Variants in CEP128 observed in about 807,000 individuals in gnomAD.
CEP128 encodes the protein centrosomal protein 128.
CEP128 carries 132 observed loss-of-function variants against 156.7 expected under a neutral mutation model. The observed-to-expected ratio is 0.84, with a 90% confidence interval of 0.73 to 0.97. The LOEUF (loss-of-function observed/expected upper bound fraction) is 0.97. Among genes scored for constraint, CEP128 ranks in the 50% least tolerant of loss-of-function variants. The pLI, the probability that CEP128 is intolerant of heterozygous loss-of-function variation, is 0.00. For synonymous variants in CEP128, 469 were observed against 448.9 expected, an observed-to-expected ratio of 1.04 and a Z score of -0.57; for missense variants, 1,252 against 1,281.9, an observed-to-expected ratio of 0.98 and a Z score of 0.36.
At chr14:80,558,865 G>A (rs1890551533) in intron 21 of CEP128, among the ~76,000 whole-genome samples, 1 of 152,158 alleles carries the variant, frequency 6.6e-6, no homozygotes, top group Non-Finnish European at 1.5e-5. Context: ...TGTGACACTG[G>A]TGAAAATAAT....
intron 23 of CEP128, among the ~76,000 whole-genome samples, chr14:80,510,862 A>C (rs1888213811): frequency 6.6e-6 from 1 of 151,912 alleles, no homozygotes; most frequent in South Asian, 2.1e-4. Flanking sequence ...TATCAATTGA[A>C]ATGATCATAT....
chr14:80,539,272 A>G (rs1240077346), intron 21 of CEP128, among the ~76,000 whole-genome samples: 1 of 152,142 alleles, frequency 6.6e-6, no homozygotes, highest in Non-Finnish European at 1.5e-5. Flanking sequence ...TCTATTTTAG[A>G]CACAGGGGTC....
intron 19 of CEP128, among the ~76,000 whole-genome samples, chr14:80,731,773 G>C (rs1898283529): frequency 6.6e-6 from 1 of 152,106 alleles, no homozygotes; most frequent in Non-Finnish European, 1.5e-5. Flanking sequence ...AGATTCTTTT[G>C]TTGCCAAATA....
chr14:80,657,971 T>G (rs1895245144), intron 19 of CEP128, among the ~76,000 whole-genome samples: 2 of 151,990 alleles, frequency 1.3e-5, no homozygotes, highest in Admixed American at 6.5e-5. Context: ...AATTCAAGGC[T>G]CCATTGAATA....
At chr14:80,489,514 T>C (rs1248123054), downstream of CEP128, among the ~76,000 whole-genome samples, 1 of 152,064 alleles carries the variant, frequency 6.6e-6, no homozygotes, top group Non-Finnish European at 1.5e-5. Flanking sequence ...TCTCTAAAGG[T>C]AGAAGCTGGA....
chr14:80,732,812 A>G (rs1281558444), intron 19 of CEP128, among the ~76,000 whole-genome samples: 1 of 152,122 alleles, frequency 6.6e-6, no homozygotes, highest in Non-Finnish European at 1.5e-5. Context: ...CATATAGGTG[A>G]GGACAAGTCC....
At chr14:80,944,841 A>C (rs1886295090), upstream of CEP128, among the ~76,000 whole-genome samples, 1 of 119,158 alleles carries the variant, frequency 8.4e-6, no homozygotes, top group African/African-American at 3.7e-5. Context: ...AAAAAAAAAA[A>C]AAAAAAAAAA....
chr14:80,748,805 G>A (rs188410944), intron 18 of CEP128, among the ~76,000 whole-genome samples: 94 of 152,154 alleles, frequency 6.2e-4, no homozygotes, highest in Non-Finnish European at 1.1e-3. Flanking sequence ...CATGGGTACC[G>A]ACTCAAGCCA....
intron 21 of CEP128, among the ~76,000 whole-genome samples, chr14:80,537,247 G>A (rs961202): frequency 0.39 from 59,546 of 151,976 alleles, 12,755 homozygotes; most frequent in African/African-American, 0.57. Flanking sequence ...ATTTCTACAT[G>A]TAAGTGAATT....
At chr14:80,656,279 T>TATA (rs1895140152) in intron 19 of CEP128, among the ~76,000 whole-genome samples, 5 of 47,122 alleles carry the variant, frequency 1.1e-4, no homozygotes, top group Non-Finnish European at 2.0e-4. Flanking sequence ...AAGTTTTTAT[T>TATA]TATATATATA....
chr14:80,864,806 C>T (rs1887689651), intron 8 of CEP128, among the ~76,000 whole-genome samples: 1 of 152,304 alleles, frequency 6.6e-6, no homozygotes, highest in African/African-American at 2.4e-5. Context: ...ATCCACCCAC[C>T]TTGGCCTCCC....
intron 19 of CEP128, among the ~76,000 whole-genome samples, chr14:80,740,151 T>C (rs1898736251): frequency 1.3e-5 from 2 of 152,110 alleles, no homozygotes. Context: ...ACTGTGCTCC[T>C]TTAGTGTTCT....
intron 2 of CEP128, among the ~76,000 whole-genome samples, chr14:80,918,840 T>A (rs1477474922): frequency 6.6e-6 from 1 of 152,186 alleles, no homozygotes; most frequent in African/African-American, 2.4e-5. Context: ...GTGACATATC[T>A]ATACTAATGC....
chr14:80,857,744 C>A (rs4903938), intron 9 of CEP128, among the ~76,000 whole-genome samples: 68,255 of 128,412 alleles, frequency 0.53, 17,260 homozygotes, highest in African/African-American at 0.68. Context: ...CAAAAAAAAA[C>A]AACAACAACA....
intron 19 of CEP128, among the ~76,000 whole-genome samples, chr14:80,588,576 T>G (rs1225104904): frequency 6.6e-6 from 1 of 152,094 alleles, no homozygotes; most frequent in Non-Finnish European, 1.5e-5. Context: ...ATTTAAATCT[T>G]CAGTTTTAAA....
At chr14:80,695,721 A>G (rs1275071167) in intron 19 of CEP128, among the ~76,000 whole-genome samples, 1 of 151,540 alleles carries the variant, frequency 6.6e-6, no homozygotes, top group Admixed American at 6.6e-5. Context: ...CTCAAAAAAA[A>G]AAAAAAAGAA....
chr14:80,478,605 C>T (rs1886991175), intron 14 of CEP128, among the ~76,000 whole-genome samples: 1 of 152,100 alleles, frequency 6.6e-6, no homozygotes, highest in Non-Finnish European at 1.5e-5. Flanking sequence ...CTGCAATTTC[C>T]TCATATAAGA....
chr14:80,748,015 G>A (rs1295457775), intron 18 of CEP128, among the ~76,000 whole-genome samples: 1 of 152,190 alleles, frequency 6.6e-6, no homozygotes, highest in Non-Finnish European at 1.5e-5. Context: ...CGAATTGTAT[G>A]ATATATGAAT....
intron 19 of CEP128, among the ~76,000 whole-genome samples, chr14:80,624,428 C>T (rs1278128605): frequency 6.6e-6 from 1 of 152,086 alleles, no homozygotes; most frequent in Non-Finnish European, 1.5e-5. Context: ...TTTTTCTCCT[C>T]TGGATAAATA....
Sources: gnomAD v4.1 joint callset for allele counts (sites outside exome capture counted in the v4.1 genomes callset) on GRCh38, gnomAD v4.1.1 for gene constraint, MANE v1.5 for transcripts, NCBI Gene and HGNC (gene_info 2026-07-23, HGNC 2026-07-21) for gene names.